The following ANKS1B variants were observed in gnomAD, a reference collection of about 807,000 sequenced individuals.
ANKS1B encodes the protein ankyrin repeat and sterile alpha motif domain containing 1B.
In ANKS1B, 36 loss-of-function variants were observed where a neutral mutation model predicts 148.3. The ratio of observed to expected loss-of-function variants is 0.24; its 90% CI spans 0.19 to 0.32. The LOEUF (loss-of-function observed/expected upper bound fraction) is 0.32, where lower values mean the gene tolerates loss of function less well. Ranked by LOEUF, ANKS1B falls within the 10% of genes least tolerant of loss-of-function variation. The probability of loss-of-function intolerance (pLI) is 1.00; values close to 1 mark genes in which losing one functional copy is unlikely to be tolerated. For synonymous variants in ANKS1B, 542 were observed against 560.8 expected, an observed-to-expected ratio of 0.97 and a Z score of 0.47; for missense variants, 1,157 against 1,542.6, an observed-to-expected ratio of 0.75 and a Z score of 4.19.
intron 14 of ANKS1B, among the ~76,000 whole-genome samples, chr12:99,195,087 T>C (rs1449539108): frequency 2.0e-5 from 3 of 152,212 alleles, no homozygotes; most frequent in Non-Finnish European, 1.5e-5. Flanking sequence ...AATGCTCTCA[T>C]ACTTTGTTTA....
At chr12:99,513,551 A>C (rs1297690589) in intron 9 of ANKS1B, among the ~76,000 whole-genome samples, 1 of 152,028 alleles carries the variant, frequency 6.6e-6, no homozygotes, top group Non-Finnish European at 1.5e-5. Flanking sequence ...CATTTTGTTA[A>C]GTTTTCCTCA....
chr12:99,092,623 C>T (rs935870684), intron 15 of ANKS1B, among the ~76,000 whole-genome samples: 3 of 152,104 alleles, frequency 2.0e-5, no homozygotes, highest in Admixed American at 6.5e-5. Context: ...CACCTTGCTC[C>T]GAACAGGCAG....
chr12:98,974,689 G>A (rs929449226), intron 17 of ANKS1B, among the ~76,000 whole-genome samples: 3 of 152,158 alleles, frequency 2.0e-5, no homozygotes, highest in African/African-American at 7.2e-5. Context: ...TGCATGAGAT[G>A]AGTCCAGGTA....
chr12:99,692,396 C>A (rs1056864188), intron 8 of ANKS1B, among the ~76,000 whole-genome samples: 2 of 152,056 alleles, frequency 1.3e-5, no homozygotes. Flanking sequence ...TGAGGCCCAG[C>A]GCAGTGGCTC....
At chr12:99,675,369 A>G (rs890442796) in intron 8 of ANKS1B, among the ~76,000 whole-genome samples, 3 of 152,068 alleles carry the variant, frequency 2.0e-5, no homozygotes, top group Non-Finnish European at 2.9e-5. Flanking sequence ...GAAAATATTT[A>G]AAGATCTTTA....
At chr12:99,322,176 AT>A (rs1348173768) in intron 12 of ANKS1B, among the ~76,000 whole-genome samples, 1 of 152,200 alleles carries the variant, frequency 6.6e-6, no homozygotes, top group Non-Finnish European at 1.5e-5. Flanking sequence ...CTATGCAGCC[AT>A]AAAAAAATGA....
At chr12:99,622,198 A>C (rs2098061391) in intron 9 of ANKS1B, among the ~76,000 whole-genome samples, 1 of 152,092 alleles carries the variant, frequency 6.6e-6, no homozygotes, top group African/African-American at 2.4e-5. Context: ...TCCTGAAATA[A>C]AAACAGACAC....
intron 17 of ANKS1B, among the ~76,000 whole-genome samples, chr12:98,940,577 A>G (rs1408445353): frequency 6.6e-6 from 1 of 152,072 alleles, no homozygotes; most frequent in East Asian, 1.9e-4. Context: ...ATTACCATGA[A>G]TTACTTGTGT....
chr12:98,905,254 TGG>T (rs1274737865), intron 17 of ANKS1B, among the ~76,000 whole-genome samples: 1 of 152,188 alleles, frequency 6.6e-6, no homozygotes, highest in African/African-American at 2.4e-5. Flanking sequence ...GCTACTACGC[TGG>T]GCAAGCTACT....
chr12:98,879,377 T>A (rs2099700441), intron 17 of ANKS1B, among the ~76,000 whole-genome samples: 1 of 152,334 alleles, frequency 6.6e-6, no homozygotes, highest in South Asian at 2.1e-4. Context: ...GTTTAGTAAT[T>A]TTCCCAAAAG....
chr12:99,828,249 C>T (rs79551964), intron 1 of ANKS1B, among the ~76,000 whole-genome samples: 4,645 of 152,252 alleles, frequency 0.031, 205 homozygotes, highest in African/African-American at 0.099. Flanking sequence ...AGATAAAATG[C>T]ATGATCTCTG....
In ANKS1B at chr12:99,247,704, CT is replaced by C. The variant is rs1173454605; in HGVS notation, c.1757-841del. ...TCTCTGAGATTTAAAATACACCATG[CT>C]TTTTGCGACTTAATTTGTCTTTCAA... On this transcript the variant is annotated intron_variant, in intron 12 of 26. Transcript: ENST00000683438. Among the ~76,000 whole-genome samples the C allele has an allele frequency of 7.9e-5, 12 of 152,114 alleles. 1 individual carries two copies. The highest frequency in any genetic ancestry group is 2.9e-4 in the African/African-American group (12 of 41,440).
chr12:99,275,783 T>C (rs1291606114), intron 12 of ANKS1B, among the ~76,000 whole-genome samples: 2 of 152,176 alleles, frequency 1.3e-5, no homozygotes, highest in African/African-American at 2.4e-5. Context: ...GATGGAAAAA[T>C]GTCATTATCA....
At chr12:99,511,436 C>T (rs2096764916) in intron 9 of ANKS1B, among the ~76,000 whole-genome samples, 1 of 151,978 alleles carries the variant, frequency 6.6e-6, no homozygotes, top group East Asian at 1.9e-4. Flanking sequence ...AATGGAAAAA[C>T]ATTCCATGCT....
intron 14 of ANKS1B, among the ~76,000 whole-genome samples, chr12:99,225,073 TAGAAAAGTCTTTAC>T (rs1370958024): frequency 6.6e-6 from 1 of 152,156 alleles, no homozygotes; most frequent in Non-Finnish European, 1.5e-5. Context: ...GAAATCCCAG[TAGAAAAGTCTTTAC>T]AGAAGCACTA....
At chr12:99,644,579 C>T (rs1375715829) in intron 9 of ANKS1B, among the ~76,000 whole-genome samples, 2 of 152,182 alleles carry the variant, frequency 1.3e-5, no homozygotes, top group African/African-American at 4.8e-5. Flanking sequence ...CAAAATTCTT[C>T]TAGCTTCTAC....
intron 1 of ANKS1B, among the ~76,000 whole-genome samples, chr12:99,920,934 AC>A (rs1373487927): frequency 6.6e-6 from 1 of 152,152 alleles, no homozygotes; most frequent in Non-Finnish European, 1.5e-5. Context: ...CAACAGACAG[AC>A]CTAGAAATAA....
At chr12:99,504,955 A>G (rs905553282) in intron 9 of ANKS1B, among the ~76,000 whole-genome samples, 1 of 151,960 alleles carries the variant, frequency 6.6e-6, no homozygotes, top group African/African-American at 2.4e-5. Context: ...CCAAGACTCT[A>G]CTCCTTTGCC....
chr12:99,088,279 T>C (rs2052671398), intron 15 of ANKS1B, among the ~76,000 whole-genome samples: 1 of 152,052 alleles, frequency 6.6e-6, no homozygotes, highest in African/African-American at 2.4e-5. Flanking sequence ...ACTAGGGGAC[T>C]TGGAGTCTGC....
Sources: allele counts gnomAD v4.1 joint callset (sites outside exome capture counted in the v4.1 genomes callset), GRCh38; gene constraint gnomAD v4.1.1; transcripts MANE v1.5; gene names NCBI Gene and HGNC (gene_info 2026-07-23, HGNC 2026-07-21).